SLC16A2: variants seen among roughly 807,000 people sequenced by gnomAD.
The protein encoded by SLC16A2 is solute carrier family 16 member 2, also known as monocarboxylate transporter 8.
In SLC16A2, 3 loss-of-function variants were observed where a neutral mutation model predicts 27.2. The ratio of observed to expected loss-of-function variants is 0.11; its 90% confidence interval spans 0.05 to 0.28. SLC16A2 has a LOEUF of 0.28. Ranked by LOEUF, SLC16A2 falls within the 10% of genes least tolerant of loss-of-function variation. The probability of loss-of-function intolerance (pLI) is 1.00; values close to 1 mark genes in which losing one functional copy is unlikely to be tolerated. For missense variants in SLC16A2, 295 were observed against 458.5 expected (o/e 0.64, Z 3.26); for synonymous variants, 202 against 187.8 (o/e 1.08, Z -0.62).
chrX:74,493,254 C>A (rs1929866527), intron 1 of SLC16A2, among the ~76,000 whole-genome samples: 1 of 112,233 alleles, frequency 8.9e-6, no homozygotes, highest in Non-Finnish European at 1.9e-5. Flanking sequence ...TCCTATAACC[C>A]TGGGTGAGAG....
chrX:74,469,263 C>A (rs921207986), intron 1 of SLC16A2, among the ~76,000 whole-genome samples: 4 of 111,878 alleles, frequency 3.6e-5, no homozygotes, highest in African/African-American at 1.3e-4. Flanking sequence ...TTAGCTATTG[C>A]ATATAGTGCT....
At chrX:74,525,944 C>T in intron 4 of SLC16A2, 51 bp downstream of exon 4, 1 of 1,168,586 alleles carries the variant, frequency 8.6e-7, no homozygotes, top group Non-Finnish European at 1.2e-6. Flanking sequence ...GCCACAAATG[C>T]AAGGTTATCC....
chrX:74,431,571 A>G (rs1424484006), intron 1 of SLC16A2, among the ~76,000 whole-genome samples: 1 of 111,822 alleles, frequency 8.9e-6, no homozygotes, highest in African/African-American at 3.3e-5. Context: ...CCTCAGCAAC[A>G]TGAAATTTAC....
chrX:74,438,441 G>A (rs191052806), intron 1 of SLC16A2, among the ~76,000 whole-genome samples: 125 of 113,077 alleles, frequency 1.1e-3, no homozygotes, highest in Non-Finnish European at 2.1e-3. Context: ...CACCCATGAT[G>A]CACACGTGTA....
At chrX:74,424,284 G>C (rs1928364634) in intron 1 of SLC16A2, among the ~76,000 whole-genome samples, 1 of 111,489 alleles carries the variant, frequency 9.0e-6, no homozygotes, top group African/African-American at 3.3e-5. Context: ...CCTTGCTGTG[G>C]TGTATCTTGA....
intron 1 of SLC16A2, among the ~76,000 whole-genome samples, chrX:74,427,407 G>A (rs1229683200): frequency 1.8e-5 from 2 of 111,655 alleles, no homozygotes; most frequent in Admixed American, 9.5e-5. Flanking sequence ...CAACTGCAGC[G>A]TCAGGGCTTA....
chrX:74,496,095 G>A (rs1929928871), intron 1 of SLC16A2, among the ~76,000 whole-genome samples: 1 of 111,748 alleles, frequency 8.9e-6, no homozygotes, highest in African/African-American at 3.3e-5. Context: ...AGCTGGAGAA[G>A]GGAACAGCTG....
At chrX:74,439,132 T>C (rs1020133720) in intron 1 of SLC16A2, among the ~76,000 whole-genome samples, 33 of 94,683 alleles carry the variant, frequency 3.5e-4, no homozygotes, top group Non-Finnish European at 6.2e-5. Context: ...TCCCTCTCAT[T>C]CTCTCTCTCT....
At chrX:74,479,631 T>C (rs1486655169) in intron 1 of SLC16A2, among the ~76,000 whole-genome samples, 1 of 112,097 alleles carries the variant, frequency 8.9e-6, no homozygotes, top group East Asian at 2.8e-4. Context: ...ACCTTTGGTC[T>C]TTGATGATGG....
intron 1 of SLC16A2, among the ~76,000 whole-genome samples, chrX:74,457,794 G>T (rs1020593426): frequency 3.6e-5 from 4 of 110,774 alleles, no homozygotes; most frequent in Non-Finnish European, 7.5e-5. Flanking sequence ...CATAGAGCTT[G>T]CTTCCCAAGA....
chrX:74,456,547 C>G (rs1465038709), intron 1 of SLC16A2, among the ~76,000 whole-genome samples: 1 of 111,195 alleles, frequency 9.0e-6, no homozygotes, highest in Non-Finnish European at 1.9e-5. Flanking sequence ...ACAACAACAA[C>G]CACTACTACT....
chrX:74,508,470 T>C lies in SLC16A2; in HGVS notation c.431-12520T>C, dbSNP rs1157263022. On this transcript the variant is annotated intron_variant, in intron 1 of 5. Transcript: ENST00000587091. ...TTTTTGATGACATTGCAAATGGTATTTTTATTCGATGTTTAATTATCCATT... is the reference window on the plus strand; with the variant it reads ...TTTTTGATGACATTGCAAATGGTATCTTTATTCGATGTTTAATTATCCATT... Among the ~76,000 whole-genome samples the C allele has an allele frequency of 2.7e-5, 3 of 112,356 alleles. No homozygotes were observed. In the East Asian group the frequency reaches 8.2e-4, roughly 31 times the overall value.
At chrX:74,521,684 T>A (rs971214841) in intron 2 of SLC16A2, among the ~76,000 whole-genome samples, 5 of 112,332 alleles carry the variant, frequency 4.5e-5, no homozygotes, top group Non-Finnish European at 9.4e-5. Context: ...AGCCCAAGGA[T>A]GTTTAGCATT....
intron 1 of SLC16A2, among the ~76,000 whole-genome samples, chrX:74,430,630 CTAT>C (rs1196807622): frequency 8.9e-6 from 1 of 112,036 alleles, no homozygotes; most frequent in Non-Finnish European, 1.9e-5. Context: ...GTCAGAATGG[CTAT>C]TATTAAAAAA....
intron 1 of SLC16A2, among the ~76,000 whole-genome samples, chrX:74,441,579 G>A (rs886948718): frequency 8.9e-6 from 1 of 111,800 alleles, no homozygotes; most frequent in Non-Finnish European, 1.9e-5. Flanking sequence ...TGAGCAGAAG[G>A]AGATTTGACA....
chrX:74,508,121 T>C (rs1930167303), intron 1 of SLC16A2, among the ~76,000 whole-genome samples: 1 of 112,251 alleles, frequency 8.9e-6, no homozygotes, highest in African/African-American at 3.2e-5. Flanking sequence ...AACAGTGTAA[T>C]TTTATAGTAA....
intron 1 of SLC16A2, among the ~76,000 whole-genome samples, chrX:74,463,290 A>G (rs1929188744): frequency 8.9e-6 from 1 of 111,814 alleles, no homozygotes; most frequent in African/African-American, 3.2e-5. Flanking sequence ...TGGATTTAGG[A>G]AGGTTTTAAC....
chrX:74,424,808 G>A (rs746743184), intron 1 of SLC16A2, among the ~76,000 whole-genome samples: 1 of 111,683 alleles, frequency 9.0e-6, no homozygotes, highest in Non-Finnish European at 1.9e-5. Flanking sequence ...TGGGTGGAAG[G>A]TCCTGCAGAT....
intron 1 of SLC16A2, among the ~76,000 whole-genome samples, chrX:74,459,565 A>T (rs1279578140): frequency 9.1e-6 from 1 of 110,187 alleles, no homozygotes; most frequent in Admixed American, 9.8e-5. Context: ...TTTCTCAGTC[A>T]TCAAGCAGGT....
Sources: gnomAD v4.1 joint callset for allele counts (sites outside exome capture counted in the v4.1 genomes callset) on GRCh38, gnomAD v4.1.1 for gene constraint, MANE v1.5 for transcripts, NCBI Gene and HGNC (gene_info 2026-07-23, HGNC 2026-07-21) for gene names.